RUNX3: variants seen among roughly 807,000 people sequenced by gnomAD.
The protein encoded by RUNX3 is runt-related transcription factor 3.
A neutral mutation model predicts 27.7 loss-of-function variants in RUNX3; 10 were observed. That is an observed-to-expected ratio of 0.36 (90% CI 0.22 to 0.61). The LOEUF (loss-of-function observed/expected upper bound fraction) is 0.61, where lower values mean the gene tolerates loss of function less well. RUNX3 is among the 20% of genes least tolerant of loss of function. The probability of loss-of-function intolerance (pLI) is 0.72; values close to 1 mark genes in which losing one functional copy is unlikely to be tolerated. For missense variants in RUNX3, 469 were observed against 629.5 expected, an observed-to-expected ratio of 0.75 and a Z score of 2.73; for synonymous variants, 270 against 269.2, an observed-to-expected ratio of 1.00 and a Z score of -0.03.
At chr1:24,950,273 T>G (rs1225808495) in intron 2 of RUNX3, among the ~76,000 whole-genome samples, 1 of 152,206 alleles carries the variant, frequency 6.6e-6, no homozygotes, top group Non-Finnish European at 1.5e-5. Flanking sequence ...GTGCAGAAAG[T>G]GCAGACCCTC....
chr1:24,959,784 A>T (rs1642054871), intron 2 of RUNX3, among the ~76,000 whole-genome samples: 1 of 152,060 alleles, frequency 6.6e-6, no homozygotes, highest in African/African-American at 2.4e-5. Flanking sequence ...GGCCTGCCTC[A>T]TACCCAAGAG....
chr1:24,929,503 A>G, intron 1 of RUNX3, 84 bp downstream of exon 1: 1 of 1,356,874 alleles, frequency 7.4e-7, no homozygotes, highest in Non-Finnish European at 1.0e-6. Context: ...TCCCATCCCC[A>G]CTGCTCCCGA....
intron 2 of RUNX3, among the ~76,000 whole-genome samples, chr1:24,956,693 T>G (rs749348549): frequency 2.0e-5 from 3 of 152,200 alleles, no homozygotes; most frequent in African/African-American, 4.8e-5. Flanking sequence ...GGGACAGAAC[T>G]CAGGCTTGAG....
upstream of RUNX3, among the ~76,000 whole-genome samples, chr1:24,930,742 CA>C (rs1453186629): frequency 6.6e-6 from 1 of 152,192 alleles, no homozygotes; most frequent in African/African-American, 2.4e-5. The surrounding 1 kb of genome is among the most constrained non-coding windows in gnomAD (Gnocchi z 4.1). Flanking sequence ...GGAGCCGCCC[CA>C]AAGAGGTTAC....
chr1:24,934,095 T>C (rs574896076), upstream of RUNX3, among the ~76,000 whole-genome samples: 11 of 151,930 alleles, frequency 7.2e-5, no homozygotes, highest in African/African-American at 2.2e-4. Context: ...AGGGGCATCA[T>C]TGTGATTGAT....
intron 3 of RUNX3, among the ~76,000 whole-genome samples, chr1:24,918,955 A>G (rs1238414724): frequency 1.3e-5 from 2 of 152,138 alleles, no homozygotes; most frequent in Non-Finnish European, 2.9e-5. Context: ...GCACCCGACA[A>G]ATGCCATATC....
chr1:24,925,071 T>G (rs1023570278), intron 2 of RUNX3, among the ~76,000 whole-genome samples: 1 of 152,148 alleles, frequency 6.6e-6, no homozygotes, highest in African/African-American at 2.4e-5. Context: ...CTGGCAGAAG[T>G]CAAGAGACCC....
At chr1:24,924,246 G>A (rs540421103) in intron 2 of RUNX3, among the ~76,000 whole-genome samples, 10 of 152,186 alleles carry the variant, frequency 6.6e-5, no homozygotes, top group South Asian at 6.2e-4. Context: ...GCATGGTGGC[G>A]CATGCCTATA....
intron 3 of RUNX3, among the ~76,000 whole-genome samples, chr1:24,913,820 G>C (rs1640837906): frequency 6.6e-6 from 1 of 152,206 alleles, no homozygotes; most frequent in African/African-American, 2.4e-5. Flanking sequence ...ATGCTTCTGG[G>C]GGAACCAAGA....
At chr1:24,954,858 A>G (rs1433073094) in intron 2 of RUNX3, among the ~76,000 whole-genome samples, 2 of 152,140 alleles carry the variant, frequency 1.3e-5, no homozygotes, top group African/African-American at 4.8e-5. Flanking sequence ...GGCCATGTCT[A>G]CACTGGCCTA....
intron 3 of RUNX3, among the ~76,000 whole-genome samples, chr1:24,909,099 G>A (rs1640746525): frequency 6.6e-6 from 1 of 152,192 alleles, no homozygotes. Context: ...GGACTCAGAG[G>A]TGCTGGGAGG....
rs1642144801 is a variant in RUNX3 at position 24,962,601 on chromosome 1, C to T, written c.58+1913G>A. Among the ~76,000 whole-genome samples, 1 of 152,206 alleles carries T rather than the reference C, an allele frequency of 6.6e-6. No individual in the cohort carries two copies. The highest frequency in any genetic ancestry group is 2.1e-4 in the South Asian group (1 of 4,838). On this transcript the variant is annotated intron_variant, in intron 2 of 6. Coordinates refer to the RUNX3 transcript ENST00000338888. The surrounding 1 kb of genome is among the most constrained non-coding windows in gnomAD (Gnocchi z 4.5). Reference sequence around the variant, plus strand: ...GCTGAAGAGGGGAGACAGGTCTCCACAAAAGTGGAGGGAAGGCCCTCGGGC... The same window carrying T: ...GCTGAAGAGGGGAGACAGGTCTCCATAAAAGTGGAGGGAAGGCCCTCGGGC...
chr1:24,950,558 G>T (rs189363208), intron 2 of RUNX3, among the ~76,000 whole-genome samples: 3 of 152,190 alleles, frequency 2.0e-5, no homozygotes, highest in Admixed American at 6.5e-5. Flanking sequence ...CACAGGAGGT[G>T]GGGGGGCCAG....
chr1:24,941,418 C>T (rs1641477143), intron 2 of RUNX3, among the ~76,000 whole-genome samples: 2 of 152,234 alleles, frequency 1.3e-5, no homozygotes, highest in African/African-American at 4.8e-5. Context: ...GCGTTATGTA[C>T]ACTCACACAT....
At chr1:24,952,877 A>C (rs1641802598) in intron 2 of RUNX3, among the ~76,000 whole-genome samples, 1 of 152,182 alleles carries the variant, frequency 6.6e-6, no homozygotes, top group Non-Finnish European at 1.5e-5. Flanking sequence ...CTGTATGTTG[A>C]CTGGAAAAGT....
chr1:24,907,493 G>C, intron 3 of RUNX3, 76 bp from the exon 4 acceptor site: 2 of 1,459,568 alleles, frequency 1.4e-6, no homozygotes, highest in South Asian at 2.6e-5. Context: ...CACTCTGCTG[G>C]GAAGTTCTTC....
At position 24,902,165 on chromosome 1, in the gene RUNX3, C is replaced by T; in HGVS notation, c.1205G>A (p.Ser402Asn). ...GSHSNSPTAL[S>N]TPGRMDEAVW... ...GGCCTCATCCATGCGGCCTGGCGTG[C>T]TCAGGGCCGTGGGTGAGTTGCTGTG... The change falls in exon 5 of 5, where the codon AGC (serine) becomes AAC (asparagine). Residue 402 changes from serine (S) to asparagine (N), a missense_variant. Coordinates refer to ENST00000308873, the MANE Select transcript of RUNX3 (RefSeq NM_004350.3). This position sits in a 1 kb window ranked among gnomAD's most constrained non-coding sequence, Gnocchi z 9.2. The T allele has an allele frequency of 1.9e-6, 3 of 1,572,806 alleles. No individual in the cohort carries two copies. Among genetic ancestry groups the T allele is most frequent in the Non-Finnish European group, 1.7e-6 (2 of 1,160,784 alleles).
intron 2 of RUNX3, among the ~76,000 whole-genome samples, chr1:24,921,140 C>T (rs1057187472): frequency 2.6e-5 from 4 of 152,198 alleles, no homozygotes; most frequent in South Asian, 2.1e-4. Context: ...CCCCCTGACA[C>T]GCCTCCAAAG....
chr1:24,942,254 T>C (rs1393909874), intron 2 of RUNX3, among the ~76,000 whole-genome samples: 1 of 151,958 alleles, frequency 6.6e-6, no homozygotes, highest in East Asian at 1.9e-4. Flanking sequence ...ATTGAAGCAG[T>C]CAACACACAC....
Sources: allele counts gnomAD v4.1 joint callset (sites outside exome capture counted in the v4.1 genomes callset), GRCh38; gene constraint gnomAD v4.1.1; non-coding constraint Gnocchi (gnomAD v3.1); transcripts MANE v1.5; gene names NCBI Gene and HGNC (gene_info 2026-07-23, HGNC 2026-07-21).